The following HMCN1 variants were observed in gnomAD, a reference collection of about 807,000 sequenced individuals.
The protein encoded by HMCN1 is hemicentin-1.
Under a neutral mutation model 625.9 loss-of-function variants are expected in HMCN1, and 321 were observed. The ratio of observed to expected loss-of-function variants is 0.51; its 90% CI spans 0.47 to 0.56. The LOEUF (loss-of-function observed/expected upper bound fraction) is 0.56, where lower values mean the gene tolerates loss of function less well. Ranked by LOEUF, HMCN1 falls within the 20% of genes least tolerant of loss-of-function variation. The pLI, the probability that HMCN1 is intolerant of heterozygous loss-of-function variation, is 0.00. For synonymous variants in HMCN1, 2,425 were observed against 2,417.6 expected, an observed-to-expected ratio of 1.00 and a Z score of -0.09; for missense variants, 6,588 against 6,887.3, an observed-to-expected ratio of 0.96 and a Z score of 1.54.
chr1:186,034,778 G>C (rs942120072), intron 36 of HMCN1, among the ~76,000 whole-genome samples: 28 of 152,086 alleles, frequency 1.8e-4, no homozygotes, highest in Admixed American at 1.8e-3. Context: ...TTGGATTTTT[G>C]CAAGTCTTTG....
At chr1:186,019,791 G>A in intron 35 of HMCN1, 96 bp downstream of exon 35, 4 of 1,063,892 alleles carry the variant, frequency 3.8e-6, no homozygotes, top group East Asian at 2.5e-5. Flanking sequence ...TTTTCCTGTT[G>A]GACAGATTTT....
chr1:185,786,617 C>A (rs1657587301), intron 1 of HMCN1, among the ~76,000 whole-genome samples: 1 of 152,172 alleles, frequency 6.6e-6, no homozygotes, highest in South Asian at 2.1e-4. Context: ...TTACTAGCTG[C>A]AAATGCCCTC....
At chr1:186,117,360 A>G (rs1289004506) in intron 76 of HMCN1, 99 bp from the exon 77 acceptor site, 1 of 1,407,078 alleles carries the variant, frequency 7.1e-7, no homozygotes, top group East Asian at 2.3e-5. Flanking sequence ...CCTAACTTTC[A>G]CTTTCAGAGC....
chr1:186,117,281 T>A (rs2102480695), intron 76 of HMCN1, among the ~76,000 whole-genome samples, 166 bp downstream of exon 76: 1 of 152,240 alleles, frequency 6.6e-6, no homozygotes, highest in Admixed American at 6.5e-5. Flanking sequence ...CATGGGGGTT[T>A]GTTGTACAAA....
intron 63 of HMCN1, 151 bp from the exon 64 acceptor site, chr1:186,090,607 A>T: frequency 1.2e-6 from 1 of 852,326 alleles, no homozygotes; most frequent in Non-Finnish European, 1.8e-6. Flanking sequence ...TTTGTCATTT[A>T]AAAGTAATTC....
intron 1 of HMCN1, among the ~76,000 whole-genome samples, chr1:185,829,722 T>C (rs1369001764): frequency 6.6e-6 from 1 of 152,202 alleles, no homozygotes; most frequent in African/African-American, 2.4e-5. Context: ...TAAACATGTA[T>C]GTGCATGTGT....
chr1:186,115,262 T>TC lies in HMCN1; in HGVS notation c.11411dup (p.Ser3805IlefsTer22). Reference sequence around the variant, plus strand: ...TATTTGGTGACATTGTCTTAGTTCCTCCATCTATTGCTCCGGGTCCTACCA... The same window carrying TC: ...TATTTGGTGACATTGTCTTAGTTCCTCCCATCTATTGCTCCGGGTCCTACCA... On this transcript the variant is annotated frameshift_variant, in exon 75 of 107. Transcript: ENST00000271588. LOFTEE classifies it high-confidence loss of function. The TC allele has an allele frequency of 6.2e-7, 1 of 1,614,030 alleles. No individual in the cohort carries two copies. Among genetic ancestry groups the TC allele is most frequent in the Non-Finnish European group, 8.5e-7 (1 of 1,179,956 alleles).
At chr1:186,177,710 C>T (rs1240699640) in intron 103 of HMCN1, among the ~76,000 whole-genome samples, 2 of 152,052 alleles carry the variant, frequency 1.3e-5, no homozygotes, top group Admixed American at 6.6e-5. Flanking sequence ...CCAACATTGT[C>T]AACCAGTAGA....
intron 36 of HMCN1, among the ~76,000 whole-genome samples, chr1:186,034,737 A>C (rs1443305036): frequency 1.3e-5 from 2 of 152,164 alleles, no homozygotes; most frequent in African/African-American, 4.8e-5. Flanking sequence ...GTTCTTAATG[A>C]AATTTAGCAT....
intron 1 of HMCN1, among the ~76,000 whole-genome samples, chr1:185,841,582 A>G (rs969909170): frequency 1.3e-5 from 2 of 152,158 alleles, no homozygotes; most frequent in African/African-American, 4.8e-5. Flanking sequence ...TTCCTCCTAT[A>G]TTCAAACACT....
At chr1:185,831,240 A>G (rs557161928) in intron 1 of HMCN1, among the ~76,000 whole-genome samples, 25 of 152,306 alleles carry the variant, frequency 1.6e-4, no homozygotes, top group Admixed American at 1.4e-3. Context: ...GGGCATGATG[A>G]TAGGTCAATC....
intron 1 of HMCN1, among the ~76,000 whole-genome samples, chr1:185,826,559 C>A (rs1660524154): frequency 6.6e-6 from 1 of 152,150 alleles, no homozygotes; most frequent in African/African-American, 2.4e-5. Flanking sequence ...TATAACAGGA[C>A]AAACTAGGTG....
chr1:185,741,756 G>A (rs1654009720), intron 1 of HMCN1, among the ~76,000 whole-genome samples: 1 of 152,188 alleles, frequency 6.6e-6, no homozygotes, highest in Non-Finnish European at 1.5e-5. Context: ...TAGCAATGTG[G>A]AAGTCATTGG....
At chr1:186,080,160 G>A (rs879709084) in intron 55 of HMCN1, among the ~76,000 whole-genome samples, 18 of 152,098 alleles carry the variant, frequency 1.2e-4, no homozygotes, top group South Asian at 4.1e-4. Context: ...AATCAATCAC[G>A]TAGCTTTGAA....
intron 97 of HMCN1, among the ~76,000 whole-genome samples, chr1:186,156,867 T>C (rs572840724): frequency 3.3e-5 from 5 of 152,306 alleles, no homozygotes; most frequent in African/African-American, 1.2e-4. Context: ...GTACTAAACA[T>C]TGTTCTAGGT....
chr1:185,803,458 C>T (rs772610344), intron 1 of HMCN1, among the ~76,000 whole-genome samples: 2 of 151,938 alleles, frequency 1.3e-5, no homozygotes, highest in African/African-American at 2.4e-5. Flanking sequence ...GCAGAAAGAT[C>T]CATTATTTTT....
rs140493567 is a variant in HMCN1 at position 186,103,516 on chromosome 1, G to A, written c.10618G>A (p.Val3540Ile). Reference protein sequence around the residue: ...NGSEEHEEISVIVNNPLELTC... With the variant: ...NGSEEHEEISIIVNNPLELTC... ...ATCTGAAGAACATGAAGAGATATCA[G>A]TAATTGTTAATAACCCACTTGAACT... The change falls in exon 69 of 107, where the codon GTA (valine) becomes ATA (isoleucine). Residue 3540 changes from valine to isoleucine, a missense_variant. Coordinates refer to ENST00000271588, the MANE Select transcript of HMCN1 (RefSeq NM_031935.3). 2.6e-3 allele frequency: 4,215 copies of A among 1,613,594 alleles called. 6 individuals carry two copies. Among genetic ancestry groups the A allele is most frequent in the Non-Finnish European group, 3.2e-3 (3,780 of 1,179,594 alleles).
chr1:186,047,836 C>T (rs529325669), intron 41 of HMCN1, among the ~76,000 whole-genome samples: 1 of 152,152 alleles, frequency 6.6e-6, no homozygotes, highest in South Asian at 2.1e-4. Flanking sequence ...TAGCTAATTC[C>T]AGCTCTATTG....
chr1:185,987,618 A>G (rs1250597822), intron 20 of HMCN1, 74 bp downstream of exon 20: 1 of 1,019,818 alleles, frequency 9.8e-7, no homozygotes, highest in African/African-American at 1.6e-5. Context: ...CCTAGTCTTG[A>G]GCAGGAGGCT....
Sources: gnomAD v4.1 joint callset for allele counts (sites outside exome capture counted in the v4.1 genomes callset) on GRCh38, gnomAD v4.1.1 for gene constraint, MANE v1.5 for transcripts, NCBI Gene and HGNC (gene_info 2026-07-23, HGNC 2026-07-21) for gene names.